CAPZA2: variants seen among roughly 807,000 people sequenced by gnomAD.
CAPZA2 encodes the protein capping actin protein of muscle Z-line subunit alpha 2.
CAPZA2 carries 13 observed loss-of-function variants against 44.0 expected under a neutral mutation model. The ratio of observed to expected loss-of-function variants is 0.30; its 90% CI spans 0.19 to 0.47. The LOEUF is 0.47. Among genes scored for constraint, CAPZA2 ranks in the 20% least tolerant of loss-of-function variants. The pLI is 1.00. For synonymous variants in CAPZA2, 94 were observed against 108.2 expected (o/e 0.87, Z 0.81); for missense variants, 244 against 338.6 (o/e 0.72, Z 2.19).
At chr7:116,891,309 A>G (rs918435996) in intron 2 of CAPZA2, among the ~76,000 whole-genome samples, 23 of 152,230 alleles carry the variant, frequency 1.5e-4, no homozygotes, top group African/African-American at 2.9e-4. Context: ...TGTCCATGCA[A>G]TATCGCTGTT....
chr7:116,905,559 T>G (rs1180247325), intron 5 of CAPZA2, among the ~76,000 whole-genome samples: 1 of 152,220 alleles, frequency 6.6e-6, no homozygotes, highest in African/African-American at 2.4e-5. Context: ...TATGGTCTGC[T>G]TAAGTATCTA....
intron 1 of CAPZA2, among the ~76,000 whole-genome samples, chr7:116,869,187 A>G (rs1349956071): frequency 1.3e-5 from 2 of 152,250 alleles, no homozygotes; most frequent in African/African-American, 4.8e-5. Flanking sequence ...TTTGTTAAAT[A>G]GGAGATTCAT....
chr7:116,906,554 A>G (rs2115965284), intron 6 of CAPZA2: 1 of 790,962 alleles, frequency 1.3e-6, no homozygotes, highest in Non-Finnish European at 1.8e-6. Context: ...TTCAGTGGAA[A>G]GAGTATGGGA....
At position 116,918,071 on chromosome 7, in the gene CAPZA2, T is replaced by G. The variant is rs1486520045; in HGVS notation, c.*204T>G. 2 of 466,274 alleles carry G rather than the reference T, an allele frequency of 4.3e-6. No individual in the cohort carries two copies. Among genetic ancestry groups the G allele is most frequent in the African/African-American group, 3.8e-5 (2 of 52,072 alleles). The allele number at this position is 466,274 out of a possible 1,614,324, so 28.9% of individuals were successfully genotyped here. A position where few individuals can be genotyped will look rare whatever the true frequency, so the allele number is the denominator to read the frequency against. ...TGTTCTAAGAGGATTGAAAATCAGTTTAGTTTAAATGTCTTTCTGTTAGGC... is the reference window on the plus strand; with the variant it reads ...TGTTCTAAGAGGATTGAAAATCAGTGTAGTTTAAATGTCTTTCTGTTAGGC... On this transcript the variant is annotated 3_prime_UTR_variant, in exon 10 of 10. Coordinates refer to ENST00000361183, the MANE Select transcript of CAPZA2 (RefSeq NM_006136.3).
intron 7 of CAPZA2, 28 bp from the exon 8 acceptor site, chr7:116,912,041 T>C (rs764356516): frequency 1.2e-6 from 2 of 1,610,132 alleles, no homozygotes; most frequent in East Asian, 2.2e-5. Context: ...TCCTGTAATG[T>C]GGTTTCTGTA....
At chr7:116,870,980 A>G (rs1400786318) in intron 1 of CAPZA2, among the ~76,000 whole-genome samples, 1 of 152,184 alleles carries the variant, frequency 6.6e-6, no homozygotes, top group African/African-American at 2.4e-5. Context: ...GATGCTAGTC[A>G]TTGTCTATGT....
At chr7:116,881,818 C>T (rs1042471997) in intron 1 of CAPZA2, among the ~76,000 whole-genome samples, 1 of 151,482 alleles carries the variant, frequency 6.6e-6, no homozygotes, top group Non-Finnish European at 1.5e-5. Flanking sequence ...GGATCTAAAC[C>T]AGAATCACAT....
chr7:116,913,965 A>C (rs1298303540), intron 8 of CAPZA2, among the ~76,000 whole-genome samples: 2 of 151,890 alleles, frequency 1.3e-5, no homozygotes, highest in African/African-American at 2.4e-5. Flanking sequence ...CATATACCTA[A>C]AAGTATCTGT....
At chr7:116,863,343 C>G (rs955123976) in intron 1 of CAPZA2, among the ~76,000 whole-genome samples, 15 of 152,184 alleles carry the variant, frequency 9.9e-5, no homozygotes, top group Non-Finnish European at 1.5e-4. Flanking sequence ...GACCCCCTCC[C>G]CATAGTTGTT....
chr7:116,904,152 T>C (rs1797029981), intron 4 of CAPZA2, 25 bp from the exon 5 acceptor site: 2 of 1,450,176 alleles, frequency 1.4e-6, no homozygotes, highest in Non-Finnish European at 9.6e-7. Flanking sequence ...TTTATTTTTT[T>C]TCTAAATTCA....
intron 1 of CAPZA2, among the ~76,000 whole-genome samples, chr7:116,863,000 C>T (rs1584998164): frequency 2.6e-5 from 4 of 152,146 alleles, no homozygotes; most frequent in Middle Eastern, 3.4e-3. Flanking sequence ...TCCGCCGGGG[C>T]CGGGGACCGG....
intron 7 of CAPZA2, among the ~76,000 whole-genome samples, chr7:116,910,594 G>T (rs1367129325): frequency 6.6e-6 from 1 of 152,182 alleles, no homozygotes; most frequent in East Asian, 1.9e-4. Context: ...GTTCATGCAG[G>T]CGTCTTCTGA....
chr7:116,865,277 C>T (rs1047996543), intron 1 of CAPZA2, among the ~76,000 whole-genome samples: 48 of 149,992 alleles, frequency 3.2e-4, no homozygotes, highest in African/African-American at 1.1e-3. Context: ...CCTCTGCCTC[C>T]GGGGCTGAAG....
At chr7:116,910,007 A>T (rs1039526949) in intron 6 of CAPZA2, 11 of 506,024 alleles carry the variant, frequency 2.2e-5, no homozygotes, top group Non-Finnish European at 2.9e-5. Flanking sequence ...CTGGCATTAA[A>T]TCCATTATGT....
chr7:116,893,256 G>A (rs1796874951), intron 3 of CAPZA2, among the ~76,000 whole-genome samples: 1 of 151,746 alleles, frequency 6.6e-6, no homozygotes, highest in African/African-American at 2.4e-5. Flanking sequence ...TCAGCCTCCC[G>A]AGTAGCTGGG....
chr7:116,916,178 A>C, intron 9 of CAPZA2, 56 bp downstream of exon 9: 1 of 1,442,606 alleles, frequency 6.9e-7, no homozygotes, highest in Admixed American at 2.7e-5. Flanking sequence ...AATGTCACTG[A>C]AATTTTAATT....
At chr7:116,890,569 CACATATATATATATATATATATATATAT>C (rs1473410899) in intron 2 of CAPZA2, among the ~76,000 whole-genome samples, 2,431 of 26,826 alleles carry the variant, frequency 0.091, 196 homozygotes, top group Middle Eastern at 0.21. Flanking sequence ...TATATATATA[CACATATATATATATATATATATATATAT>C]ACACACACAC....
intron 1 of CAPZA2, among the ~76,000 whole-genome samples, chr7:116,878,876 C>T (rs1279818375): frequency 1.3e-5 from 2 of 151,884 alleles, no homozygotes; most frequent in Non-Finnish European, 2.9e-5. Flanking sequence ...ACCTGTAATC[C>T]CAGCACTTTG....
intron 8 of CAPZA2, among the ~76,000 whole-genome samples, chr7:116,914,069 C>A (rs546901135): frequency 2.7e-5 from 4 of 150,062 alleles, no homozygotes; most frequent in Non-Finnish European, 4.4e-5. Flanking sequence ...GCTCTTTCGC[C>A]CAGGCTGGAC....
Sources: gnomAD v4.1 joint callset for allele counts (sites outside exome capture counted in the v4.1 genomes callset) on GRCh38, gnomAD v4.1.1 for gene constraint, MANE v1.5 for transcripts, NCBI Gene and HGNC (gene_info 2026-07-23, HGNC 2026-07-21) for gene names.